The following NVL variants were observed in gnomAD, a reference collection of about 807,000 sequenced individuals.
NVL encodes the protein nuclear valosin-containing protein-like.
In NVL, 84 loss-of-function variants were observed where a neutral mutation model predicts 110.2. The observed-to-expected ratio is 0.76, with a 90% CI of 0.64 to 0.91. The LOEUF (loss-of-function observed/expected upper bound fraction) is 0.91, where lower values mean the gene tolerates loss of function less well. Among genes scored for constraint, NVL ranks in the 40% least tolerant of loss-of-function variants. The probability of loss-of-function intolerance (pLI) is 0.00; values close to 1 mark genes in which losing one functional copy is unlikely to be tolerated. For missense variants in NVL, 882 were observed against 1,035.9 expected (o/e 0.85, Z 2.04); for synonymous variants, 354 against 361.1 (o/e 0.98, Z 0.22).
At chr1:224,228,256 C>T (rs1232033027) in intron 22 of NVL, among the ~76,000 whole-genome samples, 1 of 152,036 alleles carries the variant, frequency 6.6e-6, no homozygotes, top group Non-Finnish European at 1.5e-5. Context: ...GAAGAAAGCA[C>T]AATTCTAAAC....
chr1:224,260,645 C>T (rs1209183976), intron 18 of NVL, among the ~76,000 whole-genome samples: 1 of 151,998 alleles, frequency 6.6e-6, no homozygotes, highest in East Asian at 1.9e-4. Context: ...TGAATCCCTG[C>T]CCTGCAGAAG....
intron 6 of NVL, among the ~76,000 whole-genome samples, chr1:224,306,348 GC>G (rs1366743106): frequency 5.3e-5 from 8 of 152,042 alleles, no homozygotes; most frequent in African/African-American, 1.9e-4. Context: ...CGCACTGCAA[GC>G]TCCGCCTGCC....
intron 19 of NVL, 70 bp downstream of exon 19, chr1:224,250,142 T>C (rs1263436945): frequency 1.3e-5 from 20 of 1,510,744 alleles, no homozygotes; most frequent in African/African-American, 5.7e-5. Context: ...CGAAAATTAC[T>C]ACCTCTTATA....
At chr1:224,229,538 G>A (rs138781973) in intron 22 of NVL, among the ~76,000 whole-genome samples, 1,950 of 151,926 alleles carry the variant, frequency 0.013, 45 homozygotes, top group African/African-American at 0.044. Context: ...AGGTTCAAGC[G>A]ATTCTTCTGC....
chr1:224,242,694 C>T (rs566373659), intron 19 of NVL, among the ~76,000 whole-genome samples: 1 of 152,138 alleles, frequency 6.6e-6, no homozygotes, highest in Admixed American at 6.6e-5. Context: ...TCTCAAACTC[C>T]TGACCTCAGG....
rs1402102147 is a variant in NVL at position 224,288,015 on chromosome 1, G to GA, written c.1576-23dup. 3.2e-6 allele frequency: 5 copies of GA among 1,561,440 alleles called. 1 individual carries two copies. In the South Asian group the frequency reaches 3.4e-5, roughly 11 times the overall value. ...CATCCTTGAAGGGAACAATAGAGGG[G>GA]AAAAAAATAAAGAAACACCACAACA... is the stretch of plus-strand genomic sequence containing the variant. On this transcript the variant is annotated intron_variant, in intron 13 of 22. Coordinates refer to ENST00000281701, the MANE Select transcript of NVL (RefSeq NM_002533.4).
intron 4 of NVL, among the ~76,000 whole-genome samples, chr1:224,314,573 C>G (rs1040014751): frequency 6.6e-6 from 1 of 152,048 alleles, no homozygotes; most frequent in East Asian, 1.9e-4. Context: ...TATCGAAATC[C>G]TTCAGAAAAA....
At chr1:224,286,537 C>G (rs1410876352) in intron 14 of NVL, among the ~76,000 whole-genome samples, 1 of 152,004 alleles carries the variant, frequency 6.6e-6, no homozygotes, top group Non-Finnish European at 1.5e-5. Flanking sequence ...GACTGTGAGG[C>G]CTGAAGATAC....
chr1:224,268,950 C>T (rs751111592), intron 17 of NVL, among the ~76,000 whole-genome samples: 39 of 152,062 alleles, frequency 2.6e-4, no homozygotes, highest in African/African-American at 4.3e-4. Flanking sequence ...TGAGCCACTG[C>T]GCCCGGCCCT....
At chr1:224,313,016 G>A (rs1166083078) in intron 4 of NVL, 1 of 279,220 alleles carries the variant, frequency 3.6e-6, no homozygotes, top group South Asian at 3.0e-5. Flanking sequence ...AAAATTAGCT[G>A]GGCATGCTGG....
intron 18 of NVL, among the ~76,000 whole-genome samples, chr1:224,255,248 G>C (rs946202509): frequency 3.2e-5 from 4 of 126,288 alleles, no homozygotes; most frequent in Non-Finnish European, 6.3e-5. Context: ...GGAATGCAGT[G>C]GTGCGATCTT....
At position 224,304,731 on chromosome 1, in the gene NVL, C is replaced by T. The variant is rs1668753691; in HGVS notation, c.825+5G>A. 6.2e-7 allele frequency: 1 copy of T among 1,611,420 alleles called. No homozygotes were observed. Among genetic ancestry groups the T allele is most frequent in the Non-Finnish European group, 8.5e-7 (1 of 1,177,982 alleles). ...TTTGAGGTAAAATTCAGAATTTGCACTAACTTTTAATGTCATATCATTGCC... is the reference window on the plus strand; with the variant it reads ...TTTGAGGTAAAATTCAGAATTTGCATTAACTTTTAATGTCATATCATTGCC... On this transcript the variant is annotated splice_donor_5th_base_variant and intron_variant, in intron 8 of 22. Transcript: ENST00000281701.
At chr1:224,314,386 G>T (rs772588631) in intron 4 of NVL, among the ~76,000 whole-genome samples, 3 of 152,090 alleles carry the variant, frequency 2.0e-5, no homozygotes, top group Non-Finnish European at 4.4e-5. Flanking sequence ...GTAAAATGGG[G>T]CTATCACCCC....
At chr1:224,321,993 C>T (rs1347406037) in intron 2 of NVL, among the ~76,000 whole-genome samples, 1 of 152,042 alleles carries the variant, frequency 6.6e-6, no homozygotes, top group African/African-American at 2.4e-5. Flanking sequence ...AGTCATACCA[C>T]CAACTAAGAA....
intron 18 of NVL, among the ~76,000 whole-genome samples, chr1:224,262,187 TAAAC>T (rs1393651809): frequency 2.6e-5 from 4 of 151,628 alleles, no homozygotes; most frequent in South Asian, 2.1e-4. Flanking sequence ...GCACACAAAT[TAAAC>T]AAACAAACAA....
intron 6 of NVL, chr1:224,305,463 T>C (rs1668822624): frequency 4.0e-6 from 1 of 247,166 alleles, no homozygotes; most frequent in Admixed American, 5.4e-5. Flanking sequence ...CATGGAAATT[T>C]GTGAAGCATC....
intron 14 of NVL, among the ~76,000 whole-genome samples, 162 bp from the exon 15 acceptor site, chr1:224,286,292 G>A (rs908615407): frequency 7.3e-5 from 11 of 149,980 alleles, no homozygotes; most frequent in Admixed American, 2.7e-4. Flanking sequence ...TGCAACTTCT[G>A]CCTCCTGGGT....
chr1:224,308,088 C>A lies in NVL; in HGVS notation c.518G>T (p.Trp173Leu). 1 of 1,611,034 alleles carries A rather than the reference C, an allele frequency of 6.2e-7. No homozygotes were observed. The highest frequency in any genetic ancestry group is 1.1e-5 in the South Asian group (1 of 90,302). Residue 173 changes from tryptophan (W) to leucine (L), a missense_variant, in exon 6 of 23, where the codon TGG becomes TTG. Physicochemically the swap from Trp to Leu is moderately conservative, Grantham distance 61. Around this residue, in one of 4 missense-constraint regions of NVL, gnomAD observed 274 missense variants for 268.4 expected, o/e 1.02. Transcript: ENST00000281701. Reference protein sequence around the residue: ...KTPAKDSEGGWFIDKTPSVKK... With the variant: ...KTPAKDSEGGLFIDKTPSVKK... Reference sequence around the variant, plus strand: ...TACACTTGGGGTTTTGTCAATAAACCATCCTCCTTCAGAATCTTTGGCAGG... The same window carrying A: ...TACACTTGGGGTTTTGTCAATAAACAATCCTCCTTCAGAATCTTTGGCAGG...
intron 17 of NVL, among the ~76,000 whole-genome samples, chr1:224,272,603 G>C (rs1044434701): frequency 1.3e-5 from 2 of 151,968 alleles, no homozygotes; most frequent in African/African-American, 4.8e-5. Context: ...TGTAGTCCCA[G>C]CTACTTGGGA....
Sources: allele counts gnomAD v4.1 joint callset (sites outside exome capture counted in the v4.1 genomes callset), GRCh38; gene constraint gnomAD v4.1.1; regional missense constraint gnomAD v4.1.1; transcripts MANE v1.5; gene names NCBI Gene and HGNC (gene_info 2026-07-23, HGNC 2026-07-21).